Variants in ARL8B observed in about 807,000 individuals in gnomAD.
ARL8B encodes ARF like GTPase 8B.
In ARL8B, 9 loss-of-function variants were observed where a neutral mutation model predicts 30.6. That is an observed-to-expected ratio of 0.29 (90% confidence interval 0.18 to 0.51). The LOEUF is 0.51. Ranked by LOEUF, ARL8B falls within the 20% of genes least tolerant of loss-of-function variation. The pLI is 0.97. For synonymous variants in ARL8B, 74 were observed against 76.0 expected (o/e 0.97, Z 0.14); for missense variants, 130 against 227.2 (o/e 0.57, Z 2.75).
intron 1 of ARL8B, among the ~76,000 whole-genome samples, chr3:5,123,655 C>G (rs1175213496): frequency 2.6e-5 from 4 of 152,192 alleles, no homozygotes; most frequent in Admixed American, 2.6e-4. Flanking sequence ...TGAAGATTAG[C>G]TGTCCGACTG....
intron 1 of ARL8B, among the ~76,000 whole-genome samples, chr3:5,123,054 G>A (rs1026519213): frequency 1.3e-5 from 2 of 152,150 alleles, no homozygotes; most frequent in Admixed American, 6.5e-5. Flanking sequence ...TGGACCAATA[G>A]ACCCATTGTG....
At chr3:5,151,714 T>TCCCCCC (rs1487595206) in intron 1 of ARL8B, among the ~76,000 whole-genome samples, 13 of 128,506 alleles carry the variant, frequency 1.0e-4, no homozygotes, top group African/African-American at 3.6e-4. Context: ...GAAGCTTTTC[T>TCCCCCC]CCCCCCACCC....
chr3:5,137,281 G>C (rs1285479666), intron 1 of ARL8B, among the ~76,000 whole-genome samples: 1 of 151,762 alleles, frequency 6.6e-6, no homozygotes, highest in Non-Finnish European at 1.5e-5. Context: ...CGGGGGTTAG[G>C]GCAGGATCAT....
intron 1 of ARL8B, among the ~76,000 whole-genome samples, chr3:5,150,202 C>T (rs949112265): frequency 6.6e-6 from 1 of 152,132 alleles, no homozygotes; most frequent in African/African-American, 2.4e-5. Context: ...GTGGCTTACG[C>T]TTGTAATCCC....
chr3:5,141,862 C>CT (rs2054376511), intron 1 of ARL8B, among the ~76,000 whole-genome samples: 1 of 152,114 alleles, frequency 6.6e-6, no homozygotes, highest in Admixed American at 6.5e-5. Flanking sequence ...ATTGATGAAT[C>CT]TTTGTTGATT....
At chr3:5,158,229 C>T (rs563998458) in intron 1 of ARL8B, among the ~76,000 whole-genome samples, 125 of 152,276 alleles carry the variant, frequency 8.2e-4, no homozygotes, top group African/African-American at 2.9e-3. Context: ...AGTAATCTTC[C>T]CACCTTGGCC....
At chr3:5,133,820 C>G (rs1559276183) in intron 1 of ARL8B, among the ~76,000 whole-genome samples, 2 of 152,042 alleles carry the variant, frequency 1.3e-5, no homozygotes, top group Admixed American at 6.6e-5. Context: ...TGTCTGTGGT[C>G]CTAGCTGCCG....
At chr3:5,148,854 C>G (rs1429994836) in intron 1 of ARL8B, among the ~76,000 whole-genome samples, 1 of 152,182 alleles carries the variant, frequency 6.6e-6, no homozygotes, top group African/African-American at 2.4e-5. Context: ...TCAGCATTCT[C>G]CCCAAAGGAC....
At chr3:5,162,417 G>T (rs112902847) in intron 1 of ARL8B, among the ~76,000 whole-genome samples, 7 of 152,344 alleles carry the variant, frequency 4.6e-5, no homozygotes, top group African/African-American at 1.7e-4. Flanking sequence ...GGAAGAGTTA[G>T]ATTTGTTTGA....
rs140650649 is a variant in ARL8B at position 5,161,404 on chromosome 3, CAG to C, written c.124-9094_124-9093del. 8.3e-3 allele frequency among the ~76,000 whole-genome samples: 1,262 copies of C among 152,256 alleles called. 15 individuals carry two copies. Among genetic ancestry groups the C allele is most frequent in the African/African-American group, 0.028 (1,181 of 41,538 alleles). On this transcript the variant is annotated intron_variant, in intron 1 of 6. Coordinates refer to ENST00000256496, the MANE Select transcript of ARL8B (RefSeq NM_018184.3). ...AGTGTATCAAGAGCCCCACTGACAT[CAG>C]AGAGGCAATGTTTGAGTGGTTTGCA...
At chr3:5,170,697 G>T in intron 2 of ARL8B, 114 bp downstream of exon 2, 1 of 667,958 alleles carries the variant, frequency 1.5e-6, no homozygotes, top group East Asian at 3.0e-5. Flanking sequence ...TAATGAATGT[G>T]CATGTTTCAA....
At chr3:5,164,488 C>T (rs561607374) in intron 1 of ARL8B, among the ~76,000 whole-genome samples, 1 of 151,996 alleles carries the variant, frequency 6.6e-6, no homozygotes, top group African/African-American at 2.4e-5. Flanking sequence ...GCACTCATAC[C>T]CCTTTCTAGG....
In ARL8B at chr3:5,167,208, T is replaced by C. The variant is rs1190318437; in HGVS notation, c.124-3295T>C. ...TTGGCTTATAGGAGGGTAAGCATTATGACAGTGACAGCTCCATCTGCCATC... is the reference window on the plus strand; with the variant it reads ...TTGGCTTATAGGAGGGTAAGCATTACGACAGTGACAGCTCCATCTGCCATC... On this transcript the variant is annotated intron_variant, in intron 1 of 6. Transcript: ENST00000256496. 3.3e-5 allele frequency among the ~76,000 whole-genome samples: 5 copies of C among 152,234 alleles called. No homozygotes were observed. The East Asian group carries it at 9.6e-4, about 29-fold the overall frequency.
rs752366624 is a variant in ARL8B, at chr3:5,178,752, T to TC, written c.*41dup. On this transcript the variant is annotated 3_prime_UTR_variant, in exon 7 of 7. Transcript: ENST00000256496. ...GTCTTCCAGTCCTTCTTGGCTATAA[T>TC]CCTAGAATTATTGTCCGTTCCTCTG... 8.1e-6 allele frequency: 13 copies of TC among 1,610,502 alleles called. No individual in the cohort carries two copies. Among genetic ancestry groups the TC allele is most frequent in the Non-Finnish European group, 1.0e-5 (12 of 1,179,492 alleles).
At chr3:5,128,823 A>G (rs550877575) in intron 1 of ARL8B, among the ~76,000 whole-genome samples, 1 of 152,344 alleles carries the variant, frequency 6.6e-6, no homozygotes, top group East Asian at 1.9e-4. Context: ...TAATGTGTAT[A>G]TCCAGATGTC....
At chr3:5,122,658 C>T in intron 1 of ARL8B, 70 bp downstream of exon 1, 1 of 1,522,600 alleles carries the variant, frequency 6.6e-7, no homozygotes, top group Non-Finnish European at 8.8e-7. Context: ...TCTCCAAGGC[C>T]TGAGTTGGGG....
intron 1 of ARL8B, among the ~76,000 whole-genome samples, chr3:5,152,929 A>G (rs1026142422): frequency 5.9e-5 from 9 of 152,204 alleles, no homozygotes; most frequent in Admixed American, 1.3e-4. Context: ...TAAACATAGT[A>G]TTTAGTTCAA....
intron 1 of ARL8B, among the ~76,000 whole-genome samples, chr3:5,156,286 C>T (rs1349248228): frequency 4.6e-5 from 7 of 151,610 alleles, no homozygotes; most frequent in Non-Finnish European, 1.0e-4. Flanking sequence ...ACTTCCCTGT[C>T]TCTTTTATGC....
chr3:5,180,655 A>C lies in ARL8B; in HGVS notation c.*1942A>C, dbSNP rs1043375839. 1.3e-5 allele frequency: 2 copies of C among 152,674 alleles called. No homozygotes were observed. Among genetic ancestry groups the C allele is most frequent in the African/African-American group, 4.8e-5 (2 of 41,474 alleles). The allele number at this position is 152,674 out of a possible 1,614,324, so 9.5% of individuals were successfully genotyped here. On this transcript the variant is annotated 3_prime_UTR_variant, in exon 7 of 7. Transcript: ENST00000256496. ...ACTTTTAACAGTTACTGAACTATGT[A>C]AATATGTGAATTTTTTTATTTAGGT... is the stretch of plus-strand genomic sequence containing the variant.
Sources: allele counts gnomAD v4.1 joint callset (sites outside exome capture counted in the v4.1 genomes callset), GRCh38; gene constraint gnomAD v4.1.1; transcripts MANE v1.5; gene names NCBI Gene and HGNC (gene_info 2026-07-23, HGNC 2026-07-21).